AIG1: variants seen among roughly 807,000 people sequenced by gnomAD.
AIG1 encodes androgen-induced gene 1 protein.
In AIG1, 23 loss-of-function variants were observed where a neutral mutation model predicts 31.4. That is an observed-to-expected ratio of 0.73 (90% CI 0.53 to 1.04). The LOEUF is 1.04. Ranked by LOEUF, AIG1 falls within the 50% of genes least tolerant of loss-of-function variation. The probability of loss-of-function intolerance (pLI) is 0.00; values close to 1 mark genes in which losing one functional copy is unlikely to be tolerated. For synonymous variants in AIG1, 100 were observed against 110.5 expected (o/e 0.90, Z 0.60); for missense variants, 274 against 295.0 (o/e 0.93, Z 0.52).
intron 3 of AIG1, chr6:143,188,958 T>G (rs1304576483): frequency 1.4e-5 from 14 of 984,248 alleles, no homozygotes; most frequent in Non-Finnish European, 1.7e-5. Flanking sequence ...CATTTTGTAG[T>G]TAAAAAAGTA....
At chr6:143,111,983 C>T (rs1224887002) in intron 1 of AIG1, among the ~76,000 whole-genome samples, 1 of 152,198 alleles carries the variant, frequency 6.6e-6, no homozygotes, top group East Asian at 1.9e-4. Context: ...ATCCTCCAAT[C>T]TCATATCTGC....
At chr6:143,152,636 C>T (rs982328577) in intron 2 of AIG1, among the ~76,000 whole-genome samples, 2 of 152,202 alleles carry the variant, frequency 1.3e-5, no homozygotes, top group Non-Finnish European at 2.9e-5. Context: ...GGATCTAACT[C>T]TGGGCCCATA....
At chr6:143,063,559 T>G (rs1199833840) in intron 1 of AIG1, among the ~76,000 whole-genome samples, 4 of 152,230 alleles carry the variant, frequency 2.6e-5, no homozygotes, top group Non-Finnish European at 4.4e-5. Flanking sequence ...TGGCATGAAA[T>G]GATTAGGCTA....
intron 1 of AIG1, among the ~76,000 whole-genome samples, chr6:143,099,135 C>A (rs1780037473): frequency 1.3e-5 from 2 of 152,272 alleles, no homozygotes; most frequent in Non-Finnish European, 2.9e-5. Context: ...AGGATAATAA[C>A]CATATAATAT....
At chr6:143,159,997 T>G (rs1786184482) in intron 2 of AIG1, among the ~76,000 whole-genome samples, 1 of 152,218 alleles carries the variant, frequency 6.6e-6, no homozygotes, top group Non-Finnish European at 1.5e-5. Context: ...AAACAGAATT[T>G]AAATCTTTTC....
Position 143,300,380 on chromosome 6 carries a change from A to G in AIG1, c.515+16155A>G, listed in dbSNP as rs545713557. 3.2e-4 allele frequency among the ~76,000 whole-genome samples: 48 copies of G among 152,302 alleles called. No individual in the cohort carries two copies. In the South Asian group the frequency reaches 9.5e-3, roughly 30 times the overall value. ...TGCAATTCTCCCGTTTTCTTTGTCC[A>G]CATTTGGCGCTCCACTCTTGAATGA... On this transcript the variant is annotated intron_variant, in intron 4 of 5. Transcript: ENST00000357847.
chr6:143,214,668 G>A (rs972049032), intron 3 of AIG1, among the ~76,000 whole-genome samples: 6 of 152,094 alleles, frequency 3.9e-5, no homozygotes, highest in Non-Finnish European at 1.5e-5. Context: ...GAACTCTTCA[G>A]TGCCTACTCA....
At chr6:143,320,568 C>T (rs1776124067) in intron 4 of AIG1, among the ~76,000 whole-genome samples, 1 of 152,082 alleles carries the variant, frequency 6.6e-6, no homozygotes, top group Non-Finnish European at 1.5e-5. Flanking sequence ...GTGGATTAAG[C>T]CGAAATGACA....
intron 1 of AIG1, among the ~76,000 whole-genome samples, chr6:143,129,367 A>G (rs1186649457): frequency 1.3e-5 from 2 of 152,078 alleles, no homozygotes; most frequent in African/African-American, 4.8e-5. Flanking sequence ...CTCCACGTAC[A>G]CTCTTTGGGG....
Position 143,279,664 on chromosome 6 carries a change from G to A in AIG1, c.400-4446G>A, listed in dbSNP as rs6933721. 0.63 allele frequency among the ~76,000 whole-genome samples: 95,452 copies of A among 152,030 alleles called. 32,951 individuals carry two copies. The highest frequency in any genetic ancestry group is 0.9 in the African/African-American group (37,369 of 41,482). Reference sequence around the variant, plus strand: ...TGGTCAGTTCACAGCCTCCATGGCAGTGGAGTCAGTTCACTCCGCTCCATC... The same window carrying A: ...TGGTCAGTTCACAGCCTCCATGGCAATGGAGTCAGTTCACTCCGCTCCATC... On this transcript the variant is annotated intron_variant, in intron 3 of 5. Transcript: ENST00000357847. This position sits in a 1 kb window ranked among gnomAD's most constrained non-coding sequence, Gnocchi z 5.4.
chr6:143,074,873 A>G (rs990285469), intron 1 of AIG1, among the ~76,000 whole-genome samples: 5 of 152,152 alleles, frequency 3.3e-5, no homozygotes, highest in African/African-American at 1.2e-4. Context: ...TGTTGGCCTC[A>G]TTCCTCTTAA....
chr6:143,196,061 C>T (rs1329014014), intron 3 of AIG1, among the ~76,000 whole-genome samples: 1 of 152,212 alleles, frequency 6.6e-6, no homozygotes, highest in African/African-American at 2.4e-5. Flanking sequence ...GGTGCTGTTT[C>T]TGGCCTGTGG....
chr6:143,179,449 A>T (rs1348493694), intron 3 of AIG1, among the ~76,000 whole-genome samples: 1 of 152,170 alleles, frequency 6.6e-6, no homozygotes, highest in Non-Finnish European at 1.5e-5. Flanking sequence ...GTATCACGAC[A>T]CCATTTCAGA....
At chr6:143,218,108 CT>C (rs1320922207) in intron 3 of AIG1, among the ~76,000 whole-genome samples, 1 of 152,204 alleles carries the variant, frequency 6.6e-6, no homozygotes, top group Non-Finnish European at 1.5e-5. Context: ...CTTTTGCAAC[CT>C]AAATGAACTC....
intron 3 of AIG1, among the ~76,000 whole-genome samples, chr6:143,183,671 A>G (rs1052978214): frequency 2.6e-5 from 4 of 152,234 alleles, no homozygotes; most frequent in Non-Finnish European, 5.9e-5. Flanking sequence ...CAAAAAGTCT[A>G]TAAGTTATAT....
intron 3 of AIG1, among the ~76,000 whole-genome samples, chr6:143,178,461 C>T (rs981739554): frequency 6.6e-5 from 10 of 152,146 alleles, no homozygotes; most frequent in Admixed American, 5.9e-4. Context: ...GAGCTCAGGG[C>T]CTGTCAGGGC....
chr6:143,143,000 T>A (rs979202961), intron 2 of AIG1, among the ~76,000 whole-genome samples: 3 of 152,180 alleles, frequency 2.0e-5, no homozygotes, highest in Admixed American at 2.0e-4. Flanking sequence ...TAGATAGTCA[T>A]AAACCTACAA....
At chr6:143,069,144 A>G (rs1777008179) in intron 1 of AIG1, among the ~76,000 whole-genome samples, 1 of 151,828 alleles carries the variant, frequency 6.6e-6, no homozygotes, top group Non-Finnish European at 1.5e-5. Flanking sequence ...CCTCCCGAGT[A>G]GCTGGGATTA....
chr6:143,206,771 G>T (rs1485421219), intron 3 of AIG1, among the ~76,000 whole-genome samples: 1 of 152,098 alleles, frequency 6.6e-6, no homozygotes, highest in African/African-American at 2.4e-5. Context: ...AATAATTTAC[G>T]GCAATAATTA....
Sources: gnomAD v4.1 joint callset for allele counts (sites outside exome capture counted in the v4.1 genomes callset) on GRCh38, gnomAD v4.1.1 for gene constraint, Gnocchi (gnomAD v3.1) non-coding constraint, MANE v1.5 for transcripts, NCBI Gene and HGNC (gene_info 2026-07-23, HGNC 2026-07-21) for gene names.